The following SHISA9 variants were observed in gnomAD, a reference collection of about 807,000 sequenced individuals.
SHISA9 encodes the protein shisa family member 9.
In SHISA9, 13 loss-of-function variants were observed where a neutral mutation model predicts 38.0. That is an observed-to-expected ratio of 0.34 (90% CI 0.22 to 0.54). The LOEUF is 0.54. SHISA9 is among the 20% of genes least tolerant of loss of function. The probability of loss-of-function intolerance (pLI) is 0.91; values close to 1 mark genes in which losing one functional copy is unlikely to be tolerated. For missense variants in SHISA9, 538 were observed against 575.8 expected (o/e 0.93, Z 0.67); for synonymous variants, 275 against 242.0 (o/e 1.14, Z -1.27).
intron 2 of SHISA9, among the ~76,000 whole-genome samples, chr16:13,162,169 G>T (rs913862164): frequency 6.6e-6 from 1 of 152,124 alleles, no homozygotes; most frequent in African/African-American, 2.4e-5. Flanking sequence ...AGAAAGGTGG[G>T]TATTCAGAGG....
the SHISA9 span, among the ~76,000 whole-genome samples, chr16:13,372,575 G>T: frequency 6.6e-6 from 1 of 152,174 alleles, no homozygotes; most frequent in Non-Finnish European, 1.5e-5. Context: ...GCTGAGATTT[G>T]AGACATTTGA....
At chr16:13,438,407 A>G in the SHISA9 span, among the ~76,000 whole-genome samples, 1 of 152,060 alleles carries the variant, frequency 6.6e-6, no homozygotes, top group Non-Finnish European at 1.5e-5. Context: ...CCTATTTTCT[A>G]TCTCTAACAG....
the SHISA9 span, among the ~76,000 whole-genome samples, chr16:13,395,641 T>G: frequency 6.6e-6 from 1 of 152,248 alleles, no homozygotes; most frequent in African/African-American, 2.4e-5. Flanking sequence ...TAATGTTCTG[T>G]CTTTCCTGGT....
intron 2 of SHISA9, among the ~76,000 whole-genome samples, chr16:13,000,152 C>T (rs2141840590): frequency 6.6e-6 from 1 of 152,000 alleles, no homozygotes; most frequent in South Asian, 2.1e-4. Flanking sequence ...GGTTTGGAGT[C>T]AGACGTCCCT....
downstream of SHISA9, among the ~76,000 whole-genome samples, chr16:13,243,846 C>G (rs550041904): frequency 4.0e-5 from 5 of 125,284 alleles, no homozygotes; most frequent in African/African-American, 1.5e-4. Context: ...AATCTTAGTT[C>G]ACTGCAACCT....
the SHISA9 span, among the ~76,000 whole-genome samples, chr16:13,556,743 C>T: frequency 6.6e-6 from 1 of 151,986 alleles, no homozygotes; most frequent in Admixed American, 6.6e-5. Context: ...CAGATTCAAC[C>T]AATCACAGAT....
chr16:13,374,976 G>A, the SHISA9 span, among the ~76,000 whole-genome samples: 368 of 152,270 alleles, frequency 2.4e-3, 1 homozygote, highest in African/African-American at 8.4e-3. Context: ...TTTGAGAAGC[G>A]TCTGTTCATA....
chr16:13,175,378 T>C (rs2050723179), intron 2 of SHISA9, among the ~76,000 whole-genome samples: 1 of 152,054 alleles, frequency 6.6e-6, no homozygotes, highest in Non-Finnish European at 1.5e-5. Flanking sequence ...AATAAATACA[T>C]ACAAATAAAA....
chr16:12,914,727 G>A (rs1000938408), intron 1 of SHISA9, among the ~76,000 whole-genome samples: 5 of 152,162 alleles, frequency 3.3e-5, no homozygotes, highest in Non-Finnish European at 5.9e-5. Flanking sequence ...CCCCGTGATC[G>A]ACAGTTCCCC....
At chr16:13,262,768 G>A in the SHISA9 span, among the ~76,000 whole-genome samples, 2 of 152,134 alleles carry the variant, frequency 1.3e-5, no homozygotes, top group Non-Finnish European at 2.9e-5. Context: ...CTACTCCCTT[G>A]TGTAATGGAA....
At chr16:13,233,197 T>A (rs1470021883) in intron 4 of SHISA9, among the ~76,000 whole-genome samples, 1 of 152,022 alleles carries the variant, frequency 6.6e-6, no homozygotes, top group Non-Finnish European at 1.5e-5. Flanking sequence ...CCAGACCCCT[T>A]AGATAGAAAT....
intron 2 of SHISA9, among the ~76,000 whole-genome samples, chr16:13,069,570 G>A (rs1411122621): frequency 6.6e-6 from 1 of 151,500 alleles, no homozygotes; most frequent in Non-Finnish European, 1.5e-5. Context: ...AAGCGTGCAT[G>A]TGTATGTGTG....
At chr16:13,508,472 G>A in the SHISA9 span, among the ~76,000 whole-genome samples, 5 of 152,084 alleles carry the variant, frequency 3.3e-5, no homozygotes, top group Non-Finnish European at 5.9e-5. Flanking sequence ...GAAATGACAA[G>A]GACAAAGAGT....
chr16:13,077,614 A>G (rs896592734), intron 2 of SHISA9, among the ~76,000 whole-genome samples: 1 of 152,204 alleles, frequency 6.6e-6, no homozygotes, highest in Non-Finnish European at 1.5e-5. Context: ...TTCTCTGCCC[A>G]GGTGAGAAGT....
At chr16:12,938,614 C>A (rs184253961) in intron 2 of SHISA9, among the ~76,000 whole-genome samples, 1 of 152,152 alleles carries the variant, frequency 6.6e-6, no homozygotes, top group East Asian at 1.9e-4. Flanking sequence ...TCTCCTGTCT[C>A]GGCCTCCTGA....
At chr16:13,367,135 C>G in the SHISA9 span, among the ~76,000 whole-genome samples, 1 of 151,584 alleles carries the variant, frequency 6.6e-6, no homozygotes, top group Non-Finnish European at 1.5e-5. Flanking sequence ...AACTTAAACT[C>G]AGTAATTAAA....
Position 13,212,108 on chromosome 16 carries a change from A to T in SHISA9, c.848-1145A>T, listed in dbSNP as rs544249123. On this transcript the variant is annotated intron_variant, in intron 3 of 4. Transcript: ENST00000558583. ...TGGGGAGGCCAGCCAGAAATGTTTA[A>T]ATGGGGCCGGATCTGTGCTCTGTAA... Among the ~76,000 whole-genome samples, 3 of 152,170 alleles carry T rather than the reference A, an allele frequency of 2.0e-5. No homozygotes were observed. The South Asian group carries it at 6.2e-4, about 32-fold the overall frequency.
At chr16:13,369,024 G>A in the SHISA9 span, among the ~76,000 whole-genome samples, 1 of 152,100 alleles carries the variant, frequency 6.6e-6, no homozygotes, top group Non-Finnish European at 1.5e-5. Flanking sequence ...TACTAGAATG[G>A]ATAGTGTTAA....
At chr16:13,003,841 G>C (rs2072557465) in intron 2 of SHISA9, among the ~76,000 whole-genome samples, 1 of 150,386 alleles carries the variant, frequency 6.6e-6, no homozygotes, top group Admixed American at 6.6e-5. Context: ...CTGGACGACA[G>C]AGCGAGACTC....
Sources: gnomAD v4.1 joint callset for allele counts (sites outside exome capture counted in the v4.1 genomes callset) on GRCh38, gnomAD v4.1.1 for gene constraint, MANE v1.5 for transcripts, NCBI Gene and HGNC (gene_info 2026-07-23, HGNC 2026-07-21) for gene names.